ASPH: variants seen among roughly 807,000 people sequenced by gnomAD.
ASPH encodes aspartate beta-hydroxylase.
A neutral mutation model predicts 118.4 loss-of-function variants in ASPH; 100 were observed. The observed-to-expected ratio is 0.84, with a 90% confidence interval of 0.72 to 1.00. The LOEUF is 1.00. ASPH is among the 50% of genes least tolerant of loss of function. The pLI is 0.00. For missense variants in ASPH, 920 were observed against 919.5 expected, an observed-to-expected ratio of 1.00 and a Z score of -0.01; for synonymous variants, 315 against 325.6, an observed-to-expected ratio of 0.97 and a Z score of 0.35.
chr8:61,656,365 A>C (rs1234685043), intron 3 of ASPH: 1 of 152,206 alleles, frequency 6.6e-6, no homozygotes, highest in Non-Finnish European at 1.5e-5. Context: ...CAGGCTGGCA[A>C]TCAGAGCTCC....
At chr8:61,572,364 G>A (rs919259877) in intron 16 of ASPH, among the ~76,000 whole-genome samples, 1 of 152,164 alleles carries the variant, frequency 6.6e-6, no homozygotes, top group Admixed American at 6.5e-5. Flanking sequence ...ATCCTGCCCT[G>A]GCTTTTCCTC....
intron 16 of ASPH, among the ~76,000 whole-genome samples, chr8:61,575,513 G>GT (rs749954613): frequency 2.9e-4 from 44 of 152,220 alleles, no homozygotes; most frequent in Non-Finnish European, 4.7e-4. Context: ...TGGAAACTCT[G>GT]TAAGTGCTAG....
chr8:61,549,716 T>G (rs1196832574), intron 20 of ASPH, among the ~76,000 whole-genome samples: 3 of 152,206 alleles, frequency 2.0e-5, no homozygotes, highest in East Asian at 3.8e-4. Flanking sequence ...CCTATGCTTT[T>G]CAGGGCAAAA....
At position 61,673,813 on chromosome 8, in the gene ASPH, A is replaced by C. The variant is rs75326232; in HGVS notation, c.322+7155T>G. Among the ~76,000 whole-genome samples the C allele has an allele frequency of 8.2e-3, 1,245 of 151,998 alleles. 47 individuals carry two copies. The highest frequency in any genetic ancestry group is 0.075 in the East Asian group (387 of 5,168). ...AGATAAAATAAAATACCTTTATTTT[A>C]TCTCTCTCACACACACACACACACA... On this transcript the variant is annotated intron_variant, in intron 3 of 24. Transcript: ENST00000379454.
intron 15 of ASPH, chr8:61,578,231 G>A (rs1237526991): frequency 6.3e-6 from 10 of 1,578,528 alleles, no homozygotes; most frequent in Non-Finnish European, 7.7e-6. Context: ...TGTCCATCAG[G>A]GTGATCCAGA....
chr8:61,688,376 C>T (rs1352623432), intron 1 of ASPH, among the ~76,000 whole-genome samples: 4 of 152,102 alleles, frequency 2.6e-5, no homozygotes, highest in Admixed American at 2.6e-4. Flanking sequence ...AATGTTCCCA[C>T]ATACCACCAA....
intron 24 of ASPH, among the ~76,000 whole-genome samples, chr8:61,512,248 T>C (rs1809157049): frequency 6.6e-6 from 1 of 152,202 alleles, no homozygotes. Context: ...AACCTGAGAC[T>C]ATCACCTGAT....
intron 13 of ASPH, among the ~76,000 whole-genome samples, chr8:61,619,714 A>G (rs532182007): frequency 2.0e-5 from 3 of 152,298 alleles, no homozygotes; most frequent in South Asian, 4.1e-4. Context: ...TGAGCTGACC[A>G]TGTGTTTTTA....
At chr8:61,652,309 G>A (rs1263420107) in intron 4 of ASPH, among the ~76,000 whole-genome samples, 1 of 152,098 alleles carries the variant, frequency 6.6e-6, no homozygotes, top group Non-Finnish European at 1.5e-5. Flanking sequence ...CTCTTTAATG[G>A]CTATCTTTGC....
chr8:61,560,728 G>A (rs1355608612), intron 18 of ASPH, among the ~76,000 whole-genome samples: 3 of 151,958 alleles, frequency 2.0e-5, no homozygotes, highest in East Asian at 3.9e-4. Flanking sequence ...TTTATTTTTC[G>A]GGATGAAGTA....
chr8:61,692,947 GA>G (rs36120544), intron 1 of ASPH, among the ~76,000 whole-genome samples: 71,854 of 125,162 alleles, frequency 0.57, 17,582 homozygotes, highest in Middle Eastern at 0.64. Context: ...CCACCAGAAG[GA>G]AAAAAAAAAA....
At chr8:61,582,059 A>C (rs1837739742) in intron 15 of ASPH, among the ~76,000 whole-genome samples, 1 of 152,212 alleles carries the variant, frequency 6.6e-6, no homozygotes, top group South Asian at 2.1e-4. Context: ...ACTAAGGTGC[A>C]TCCTCTGAAA....
At chr8:61,679,954 A>C (rs1400566066) in intron 3 of ASPH, among the ~76,000 whole-genome samples, 57 of 149,820 alleles carry the variant, frequency 3.8e-4, no homozygotes, top group Admixed American at 1.7e-3. Flanking sequence ...AAAAAAAAAA[A>C]AAAACAAAAA....
At chr8:61,599,800 C>A (rs1024088258) in intron 14 of ASPH, among the ~76,000 whole-genome samples, 10 of 151,936 alleles carry the variant, frequency 6.6e-5, no homozygotes, top group African/African-American at 2.4e-4. Flanking sequence ...AAGCCTAGGA[C>A]CACATAGCAT....
intron 12 of ASPH, among the ~76,000 whole-genome samples, chr8:61,637,469 C>T (rs1306213501): frequency 6.6e-6 from 1 of 152,088 alleles, no homozygotes; most frequent in East Asian, 1.9e-4. Flanking sequence ...TCTATTGAAG[C>T]GCCACTGTTT....
chr8:61,697,793 ATTTGAT>A (rs1834279946), intron 1 of ASPH, among the ~76,000 whole-genome samples: 3 of 152,154 alleles, frequency 2.0e-5, no homozygotes, highest in African/African-American at 7.2e-5. Flanking sequence ...AAATTATTTT[ATTTGAT>A]TTTAATTTAG....
chr8:61,670,633 G>A (rs1485071738), intron 3 of ASPH, among the ~76,000 whole-genome samples: 5 of 151,982 alleles, frequency 3.3e-5, no homozygotes, highest in African/African-American at 4.8e-5. Context: ...TTTGAAGGTC[G>A]AGGAAACGCA....
chr8:61,687,939 T>C (rs1245292861), intron 1 of ASPH, among the ~76,000 whole-genome samples: 1 of 152,190 alleles, frequency 6.6e-6, no homozygotes, highest in African/African-American at 2.4e-5. Flanking sequence ...TACTAAGTTA[T>C]GGAAGGGATT....
At chr8:61,560,776 G>A (rs1020079593) in intron 18 of ASPH, among the ~76,000 whole-genome samples, 1 of 152,090 alleles carries the variant, frequency 6.6e-6, no homozygotes, top group East Asian at 1.9e-4. Flanking sequence ...GTCAGGTAAA[G>A]GGATGAATAT....
Sources: gnomAD v4.1 joint callset for allele counts (sites outside exome capture counted in the v4.1 genomes callset) on GRCh38, gnomAD v4.1.1 for gene constraint, MANE v1.5 for transcripts, NCBI Gene and HGNC (gene_info 2026-07-23, HGNC 2026-07-21) for gene names.